RUNDC3B: variants seen among roughly 807,000 people sequenced by gnomAD.
The protein encoded by RUNDC3B is RUN domain containing 3B.
In RUNDC3B, 33 loss-of-function variants were observed where a neutral mutation model predicts 58.4. The ratio of observed to expected loss-of-function variants is 0.56; its 90% confidence interval spans 0.43 to 0.75. The LOEUF (loss-of-function observed/expected upper bound fraction) is 0.75. Ranked by LOEUF, RUNDC3B falls within the 30% of genes least tolerant of loss-of-function variation. The pLI, the probability that RUNDC3B is intolerant of heterozygous loss-of-function variation, is 0.00. For missense variants in RUNDC3B, 501 were observed against 535.7 expected, an observed-to-expected ratio of 0.94 and a Z score of 0.64; for synonymous variants, 193 against 195.2, an observed-to-expected ratio of 0.99 and a Z score of 0.10.
intron 8 of RUNDC3B, among the ~76,000 whole-genome samples, chr7:87,796,588 C>A (rs1835832645): frequency 6.6e-6 from 1 of 152,146 alleles, no homozygotes; most frequent in Non-Finnish European, 1.5e-5. Context: ...AACATCTACT[C>A]TGTACCAACA....
At chr7:87,741,735 T>C (rs895823580) in intron 6 of RUNDC3B, among the ~76,000 whole-genome samples, 156 bp downstream of exon 6, 1 of 152,214 alleles carries the variant, frequency 6.6e-6, no homozygotes, top group Non-Finnish European at 1.5e-5. Context: ...TTAGTATTTA[T>C]TATTTAAAAA....
intron 1 of RUNDC3B, among the ~76,000 whole-genome samples, chr7:87,635,287 C>T (rs564433177): frequency 1.3e-5 from 2 of 152,162 alleles, no homozygotes; most frequent in Non-Finnish European, 2.9e-5. Flanking sequence ...AAGATTCCAT[C>T]AGTCTGCACT....
At chr7:87,801,471 A>G (rs1018712341) in intron 8 of RUNDC3B, among the ~76,000 whole-genome samples, 1 of 152,168 alleles carries the variant, frequency 6.6e-6, no homozygotes, top group African/African-American at 2.4e-5. Context: ...AAAAATTAAT[A>G]TTCCGATTGG....
chr7:87,696,418 A>C (rs540034959), intron 2 of RUNDC3B, among the ~76,000 whole-genome samples: 2 of 152,204 alleles, frequency 1.3e-5, no homozygotes, highest in African/African-American at 4.8e-5. Context: ...ATCTGTATTT[A>C]CATAAAAGTG....
intron 2 of RUNDC3B, chr7:87,693,864 T>C (rs762998359): frequency 6.3e-7 from 1 of 1,588,808 alleles, no homozygotes; most frequent in Admixed American, 1.7e-5. Context: ...GATGGCAGGT[T>C]TCTTAAATAT....
At chr7:87,800,079 G>T (rs1836050020) in intron 8 of RUNDC3B, among the ~76,000 whole-genome samples, 1 of 152,110 alleles carries the variant, frequency 6.6e-6, no homozygotes, top group African/African-American at 2.4e-5. Flanking sequence ...ATTACTTCAA[G>T]TCATGGACCT....
chr7:87,750,542 T>A (rs1832911983), intron 6 of RUNDC3B, among the ~76,000 whole-genome samples: 1 of 152,224 alleles, frequency 6.6e-6, no homozygotes, highest in Non-Finnish European at 1.5e-5. Flanking sequence ...CAGCGCCTGT[T>A]GTTTCCTGAC....
chr7:87,758,291 C>T (rs1463001077), intron 6 of RUNDC3B, among the ~76,000 whole-genome samples: 1 of 152,100 alleles, frequency 6.6e-6, no homozygotes, highest in Non-Finnish European at 1.5e-5. Context: ...CACTGCATTC[C>T]AGCCTGAGCA....
intron 6 of RUNDC3B, among the ~76,000 whole-genome samples, chr7:87,766,452 C>T (rs1373628108): frequency 6.6e-6 from 1 of 152,004 alleles, no homozygotes; most frequent in South Asian, 2.1e-4. Flanking sequence ...GATTAATTCC[C>T]TTAGTGCTTG....
At chr7:87,732,669 T>C (rs564370217) in intron 4 of RUNDC3B, among the ~76,000 whole-genome samples, 1 of 152,254 alleles carries the variant, frequency 6.6e-6, no homozygotes, top group African/African-American at 2.4e-5. Context: ...GGTCCCGTGG[T>C]GCCAACAATG....
intron 5 of RUNDC3B, among the ~76,000 whole-genome samples, chr7:87,740,828 G>A (rs914562101): frequency 6.6e-6 from 1 of 152,084 alleles, no homozygotes; most frequent in East Asian, 1.9e-4. Context: ...ATCCCTCTAT[G>A]GATGTTAACT....
intron 2 of RUNDC3B, chr7:87,659,157 G>A (rs962130604): frequency 5.0e-6 from 2 of 401,570 alleles, no homozygotes; most frequent in East Asian, 8.5e-5. Context: ...ATGAGACCCT[G>A]TCTCAAAACA....
At chr7:87,665,647 G>A (rs1336915158) in intron 2 of RUNDC3B, among the ~76,000 whole-genome samples, 2 of 152,192 alleles carry the variant, frequency 1.3e-5, no homozygotes, top group East Asian at 1.9e-4. Context: ...CCCAGGTAAT[G>A]AGCATAGTAC....
chr7:87,659,784 T>C (rs968597841), intron 2 of RUNDC3B, among the ~76,000 whole-genome samples: 29 of 152,194 alleles, frequency 1.9e-4, no homozygotes, highest in African/African-American at 7.0e-4. Context: ...ACCTTCAGAA[T>C]CTTTTAATGT....
chr7:87,785,386 C>G (rs959012865), intron 8 of RUNDC3B, among the ~76,000 whole-genome samples: 2 of 152,136 alleles, frequency 1.3e-5, no homozygotes, highest in African/African-American at 4.8e-5. Flanking sequence ...TGGGGGCTCC[C>G]TCCTCACTAG....
At chr7:87,629,001 G>C (rs1820910168) in intron 1 of RUNDC3B, 56 bp downstream of exon 1, 1 of 1,290,986 alleles carries the variant, frequency 7.7e-7, no homozygotes, top group Non-Finnish European at 9.9e-7. Flanking sequence ...AGAGCTCTGG[G>C]CTTCCGCGCG....
intron 8 of RUNDC3B, among the ~76,000 whole-genome samples, chr7:87,783,126 G>C (rs1835023586): frequency 6.6e-6 from 1 of 151,428 alleles, no homozygotes; most frequent in Admixed American, 6.6e-5. Flanking sequence ...TATGAATCTG[G>C]GTGCTCCAAT....
intron 10 of RUNDC3B, among the ~76,000 whole-genome samples, chr7:87,826,329 T>A (rs915260041): frequency 1.1e-4 from 16 of 152,030 alleles, no homozygotes; most frequent in African/African-American, 3.6e-4. Flanking sequence ...TTCTCTTGTC[T>A]GCTGCCATGT....
chr7:87,719,559 G>T (rs949360053), intron 4 of RUNDC3B, among the ~76,000 whole-genome samples: 2 of 151,938 alleles, frequency 1.3e-5, no homozygotes, highest in East Asian at 1.9e-4. Context: ...AGCTTTACCC[G>T]ATACTAAACA....
Sources: gnomAD v4.1 joint callset for allele counts (sites outside exome capture counted in the v4.1 genomes callset) on GRCh38, gnomAD v4.1.1 for gene constraint, MANE v1.5 for transcripts, NCBI Gene and HGNC (gene_info 2026-07-23, HGNC 2026-07-21) for gene names.